XKR9: variants seen among roughly 807,000 people sequenced by gnomAD.
XKR9 encodes XK-related protein 9.
Under a neutral mutation model 32.0 loss-of-function variants are expected in XKR9, and 32 were observed. That is an observed-to-expected ratio of 1.00 (90% confidence interval 0.76 to 1.34). XKR9 has a LOEUF of 1.34. Among genes scored for constraint, XKR9 ranks in the 40% most tolerant of loss-of-function variants. The probability of loss-of-function intolerance (pLI) is 0.00; values close to 1 mark genes in which losing one functional copy is unlikely to be tolerated. For synonymous variants in XKR9, 168 were observed against 143.4 expected (o/e 1.17, Z -1.22); for missense variants, 546 against 429.7 (o/e 1.27, Z -2.39).
chr8:70,962,249 G>A, the XKR9 span, among the ~76,000 whole-genome samples: 2 of 151,650 alleles, frequency 1.3e-5, no homozygotes, highest in Non-Finnish European at 2.9e-5. Context: ...TTAGATTCAG[G>A]GGGTATTTAT....
the XKR9 span, among the ~76,000 whole-genome samples, chr8:70,891,654 T>G: frequency 6.6e-6 from 1 of 152,068 alleles, no homozygotes; most frequent in Non-Finnish European, 1.5e-5. Flanking sequence ...AAAAAATATT[T>G]GAGACTCGTT....
chr8:70,957,876 C>T, the XKR9 span, among the ~76,000 whole-genome samples: 2 of 147,168 alleles, frequency 1.4e-5, no homozygotes, highest in Non-Finnish European at 3.0e-5. Context: ...CAACCTCTGC[C>T]TCCCAGGTTC....
intron 2 of XKR9, among the ~76,000 whole-genome samples, chr8:70,779,469 A>C (rs1428976785): frequency 6.6e-6 from 1 of 152,176 alleles, no homozygotes; most frequent in Non-Finnish European, 1.5e-5. Context: ...CTGGCCTCAT[A>C]AAATGAGGTA....
At chr8:70,724,853 A>G (rs918243457) in intron 4 of XKR9, among the ~76,000 whole-genome samples, 1 of 152,048 alleles carries the variant, frequency 6.6e-6, no homozygotes, top group African/African-American at 2.4e-5. Flanking sequence ...TTTTTTGGGT[A>G]TCTTTATAGC....
At chr8:71,012,218 C>T in the XKR9 span, among the ~76,000 whole-genome samples, 1 of 151,930 alleles carries the variant, frequency 6.6e-6, no homozygotes, top group Non-Finnish European at 1.5e-5. Flanking sequence ...GAGAAAGAAA[C>T]AAAGATTAAG....
chr8:71,012,045 C>A, the XKR9 span, among the ~76,000 whole-genome samples: 156 of 146,426 alleles, frequency 1.1e-3, no homozygotes, highest in Admixed American at 2.1e-3. Context: ...GAAAAAAAAA[C>A]CCTCTTCACT....
the XKR9 span, among the ~76,000 whole-genome samples, chr8:70,951,784 C>G: frequency 6.6e-6 from 1 of 152,132 alleles, no homozygotes; most frequent in African/African-American, 2.4e-5. Context: ...GTTATAAACC[C>G]CAACTGTCAG....
At chr8:70,728,733 T>C (rs1806561231) in intron 4 of XKR9, among the ~76,000 whole-genome samples, 2 of 152,230 alleles carry the variant, frequency 1.3e-5, no homozygotes, top group Admixed American at 1.3e-4. Flanking sequence ...ATGATAGAAC[T>C]AATTTGTTTA....
the XKR9 span, among the ~76,000 whole-genome samples, chr8:70,981,512 A>G: frequency 6.6e-6 from 1 of 151,952 alleles, no homozygotes; most frequent in Non-Finnish European, 1.5e-5. Context: ...TATTTATGCT[A>G]TCTATTTCAC....
the XKR9 span, among the ~76,000 whole-genome samples, chr8:70,840,348 C>G: frequency 1.3e-5 from 2 of 152,070 alleles, no homozygotes; most frequent in Non-Finnish European, 2.9e-5. Context: ...GATTTATTCT[C>G]TCTGTAGGAC....
At chr8:71,047,931 A>G in the XKR9 span, among the ~76,000 whole-genome samples, 2 of 152,226 alleles carry the variant, frequency 1.3e-5, no homozygotes, top group African/African-American at 4.8e-5. Flanking sequence ...TTTGATTTAA[A>G]CAATATGTGA....
chr8:70,960,974 A>G, the XKR9 span, among the ~76,000 whole-genome samples: 33 of 152,202 alleles, frequency 2.2e-4, no homozygotes, highest in African/African-American at 7.7e-4. Flanking sequence ...GTTTGAGACC[A>G]GCCTGGCCAA....
chr8:70,727,406 TTTTG>T (rs1460278077), intron 4 of XKR9, among the ~76,000 whole-genome samples: 1 of 151,992 alleles, frequency 6.6e-6, no homozygotes, highest in Non-Finnish European at 1.5e-5. Flanking sequence ...ATCAGAGTTT[TTTTG>T]TTTGTTTTGA....
At chr8:70,814,736 G>T in the XKR9 span, among the ~76,000 whole-genome samples, 2 of 152,318 alleles carry the variant, frequency 1.3e-5, no homozygotes, top group Non-Finnish European at 1.5e-5. Flanking sequence ...AGTACTGGAA[G>T]TCCTGGCCAG....
chr8:70,844,810 C>T, the XKR9 span, among the ~76,000 whole-genome samples: 50 of 152,330 alleles, frequency 3.3e-4, no homozygotes, highest in African/African-American at 1.2e-3. Context: ...CCCATTGCAG[C>T]AACTGCTAAC....
chr8:70,965,990 C>T, the XKR9 span, among the ~76,000 whole-genome samples: 4 of 152,098 alleles, frequency 2.6e-5, 1 homozygote, highest in Admixed American at 2.6e-4. Context: ...TTTTCTAGTT[C>T]TTTTAGTTGC....
chr8:70,938,672 C>T, the XKR9 span, among the ~76,000 whole-genome samples: 1 of 151,914 alleles, frequency 6.6e-6, no homozygotes. Flanking sequence ...CAGCAGGTTC[C>T]TGGGATATGA....
chr8:70,752,332 G>A (rs954909545), intron 2 of XKR9, among the ~76,000 whole-genome samples: 11 of 152,176 alleles, frequency 7.2e-5, no homozygotes, highest in Admixed American at 5.9e-4. Flanking sequence ...AAGGAAAGAG[G>A]TTTATTTATC....
the XKR9 span, among the ~76,000 whole-genome samples, chr8:70,988,695 C>A: frequency 6.6e-6 from 1 of 152,184 alleles, no homozygotes; most frequent in Non-Finnish European, 1.5e-5. Flanking sequence ...CTATTAAATT[C>A]ACTGATTTAA....
Sources: gnomAD v4.1 joint callset for allele counts (sites outside exome capture counted in the v4.1 genomes callset) on GRCh38, gnomAD v4.1.1 for gene constraint, MANE v1.5 for transcripts, NCBI Gene and HGNC (gene_info 2026-07-23, HGNC 2026-07-21) for gene names.